RAB33A: variants seen among roughly 807,000 people sequenced by gnomAD.
RAB33A encodes RAB33A, member RAS oncogene family.
Under a neutral mutation model 12.0 loss-of-function variants are expected in RAB33A, and 6 were observed. That is an observed-to-expected ratio of 0.50 (90% CI 0.27 to 0.99). The LOEUF is 0.99. Among genes scored for constraint, RAB33A ranks in the 50% least tolerant of loss-of-function variants. RAB33A has a pLI of 0.11. For synonymous variants in RAB33A, 70 were observed against 82.4 expected (o/e 0.85, Z 0.81); for missense variants, 109 against 192.0 (o/e 0.57, Z 2.55).
At position 130,172,140 on chromosome X, in the gene RAB33A, G is replaced by A. The variant is rs35056592; in HGVS notation, c.78G>A (p.Ser26=). The change falls in exon 1 of 2, where the codon TCG becomes TCA. Residue 26 remains serine, a synonymous_variant. Transcript: ENST00000257017. The part of the protein sequence containing the change: ...AAGLASLELD[S]SLDQYVQIRI... ...GCCTGGCGTCCCTGGAGCTCGACTC[G>A]TCGCTGGACCAGTACGTGCAGATTC... 9.6e-4 allele frequency: 1,168 copies of A among 1,210,942 alleles called. 6 individuals carry two copies. The African/African-American group carries it at 0.018, about 18-fold the overall frequency.
chrX:130,180,468 AT>A (rs1309828079), intron 1 of RAB33A, among the ~76,000 whole-genome samples: 2 of 109,662 alleles, frequency 1.8e-5, no homozygotes, highest in African/African-American at 6.6e-5. Flanking sequence ...TTTATTTTTT[AT>A]TTTGAGATGG....
chrX:130,128,518 G>A, the RAB33A span, among the ~76,000 whole-genome samples: 5 of 111,804 alleles, frequency 4.5e-5, no homozygotes, highest in Admixed American at 9.5e-5. Flanking sequence ...GTTGTGATGA[G>A]CCTAGGTCGC....
At chrX:130,140,763 C>T in the RAB33A span, 1 of 510,011 alleles carries the variant, frequency 2.0e-6, no homozygotes, top group East Asian at 3.7e-5. Flanking sequence ...GTGCCACCAT[C>T]ACCACTATCT....
At chrX:130,117,192 T>A in the RAB33A span, among the ~76,000 whole-genome samples, 1 of 111,789 alleles carries the variant, frequency 8.9e-6, no homozygotes, top group Non-Finnish European at 1.9e-5. Flanking sequence ...CCAGCCTGGG[T>A]GACAGAGCAA....
chrX:130,161,239 G>A, the RAB33A span, among the ~76,000 whole-genome samples: 21 of 110,956 alleles, frequency 1.9e-4, no homozygotes, highest in Non-Finnish European at 3.0e-4. Flanking sequence ...ACAGCCAGGT[G>A]CGGTGGCTCA....
chrX:130,131,816 G>C, the RAB33A span: 1 of 1,210,444 alleles, frequency 8.3e-7, no homozygotes, highest in Non-Finnish European at 1.1e-6. Context: ...AGAGAGAAGA[G>C]GGTGTTCTGT....
the RAB33A span, chrX:130,165,803 G>T: frequency 1.8e-6 from 1 of 552,966 alleles, no homozygotes; most frequent in Non-Finnish European, 3.2e-6. Context: ...GTGGGCATTG[G>T]ACAGAGAAGC....
chrX:130,141,794 CCTA>C, the RAB33A span, among the ~76,000 whole-genome samples: 1 of 112,005 alleles, frequency 8.9e-6, no homozygotes, highest in African/African-American at 3.2e-5. Context: ...AACCTCTCCT[CCTA>C]CCTCAATTAT....
intron 1 of RAB33A, among the ~76,000 whole-genome samples, chrX:130,174,337 C>A (rs1254851666): frequency 8.9e-6 from 1 of 111,815 alleles, no homozygotes; most frequent in Non-Finnish European, 1.9e-5. Context: ...GAGGAGTCCT[C>A]TGAGGGCAGA....
At chrX:130,129,879 G>T in the RAB33A span, 6 of 1,069,122 alleles carry the variant, frequency 5.6e-6, no homozygotes, top group South Asian at 7.4e-5. Flanking sequence ...CTGGCCGGGG[G>T]ACAATGCATC....
the RAB33A span, among the ~76,000 whole-genome samples, chrX:130,112,887 A>G: frequency 9.2e-6 from 1 of 109,195 alleles, no homozygotes; most frequent in African/African-American, 3.3e-5. Flanking sequence ...TAAATTAAAT[A>G]AATTAATTTT....
At chrX:130,182,177 T>A (rs56246478) in intron 1 of RAB33A, among the ~76,000 whole-genome samples, 3 of 49,185 alleles carry the variant, frequency 6.1e-5, no homozygotes, top group African/African-American at 2.5e-4. Context: ...TATATATATA[T>A]ATATACACAT....
At chrX:130,138,796 A>T in the RAB33A span, 1 of 599,489 alleles carries the variant, frequency 1.7e-6, no homozygotes, top group South Asian at 2.4e-5. Flanking sequence ...TGGCAAAAGT[A>T]AATTTTCTCC....
the RAB33A span, among the ~76,000 whole-genome samples, chrX:130,151,190 G>C: frequency 9.3e-6 from 1 of 107,589 alleles, no homozygotes; most frequent in African/African-American, 3.4e-5. Context: ...GCCCAGGCTG[G>C]AGTGCAGTGG....
At chrX:130,145,787 G>C in the RAB33A span, among the ~76,000 whole-genome samples, 4 of 111,922 alleles carry the variant, frequency 3.6e-5, no homozygotes, top group African/African-American at 1.3e-4. Flanking sequence ...GGGGATGTTT[G>C]CCAGTGTCCA....
chrX:130,157,643 T>C, the RAB33A span, among the ~76,000 whole-genome samples: 2 of 112,137 alleles, frequency 1.8e-5, no homozygotes, highest in Admixed American at 1.9e-4. Context: ...AATTTTCATG[T>C]GTCACGAAAT....
At chrX:130,118,470 A>C in the RAB33A span, among the ~76,000 whole-genome samples, 10 of 113,057 alleles carry the variant, frequency 8.8e-5, no homozygotes, top group East Asian at 2.5e-3. Context: ...ACAGAGGCAT[A>C]GCAGAGGCCC....
the RAB33A span, among the ~76,000 whole-genome samples, chrX:130,144,605 T>C: frequency 8.9e-6 from 1 of 111,940 alleles, no homozygotes; most frequent in Non-Finnish European, 1.9e-5. Context: ...TTGCCCATTC[T>C]GTAAGACCTT....
At chrX:130,129,518 CAG>C in the RAB33A span, 1 of 1,157,984 alleles carries the variant, frequency 8.6e-7, no homozygotes, top group South Asian at 1.8e-5. Context: ...GACCTCCTCT[CAG>C]GGGCTGCAGT....
Sources: gnomAD v4.1 joint callset for allele counts (sites outside exome capture counted in the v4.1 genomes callset) on GRCh38, gnomAD v4.1.1 for gene constraint, MANE v1.5 for transcripts, NCBI Gene and HGNC (gene_info 2026-07-23, HGNC 2026-07-21) for gene names.